Variants in ANXA8 observed in about 807,000 individuals in gnomAD.
ANXA8 encodes the protein annexin A8, also known as VAC-beta.
ANXA8 carries 9 observed loss-of-function variants against 26.8 expected under a neutral mutation model. The ratio of observed to expected loss-of-function variants is 0.34; its 90% CI spans 0.20 to 0.59. ANXA8 has a LOEUF of 0.59. ANXA8 is among the 20% of genes least tolerant of loss of function. The probability of loss-of-function intolerance (pLI) is 0.84; values close to 1 mark genes in which losing one functional copy is unlikely to be tolerated. For synonymous variants in ANXA8, 39 were observed against 94.8 expected, an observed-to-expected ratio of 0.41 and a Z score of 3.42; for missense variants, 83 against 238.5, an observed-to-expected ratio of 0.35 and a Z score of 4.29.
chr10:47,633,771 G>A, the ANXA8 span, among the ~76,000 whole-genome samples: 25 of 148,922 alleles, frequency 1.7e-4, no homozygotes, highest in Admixed American at 2.0e-4. Context: ...GACTGTAAAG[G>A]ACCACTTTAG....
At chr10:47,939,104 A>G in the ANXA8 span, among the ~76,000 whole-genome samples, 10 of 145,610 alleles carry the variant, frequency 6.9e-5, no homozygotes, top group African/African-American at 2.7e-4. Flanking sequence ...CACTTCTGTG[A>G]CTGCTGAAAC....
chr10:47,987,026 G>A, the ANXA8 span: 86 of 540,058 alleles, frequency 1.6e-4, 1 homozygote, highest in Middle Eastern at 1.5e-3. Context: ...GAAAGGGGCC[G>A]TCCGGGGAGC....
At chr10:47,698,824 G>C in the ANXA8 span, among the ~76,000 whole-genome samples, 1 of 151,748 alleles carries the variant, frequency 6.6e-6, no homozygotes, top group African/African-American at 2.4e-5. Context: ...GTCAGACCTT[G>C]TCTCAAAAAA....
At chr10:47,499,108 T>TA in the ANXA8 span, among the ~76,000 whole-genome samples, 1 of 136,204 alleles carries the variant, frequency 7.3e-6, no homozygotes, top group African/African-American at 3.0e-5. Flanking sequence ...TCTCAAAAAA[T>TA]AAAAAATAAA....
the ANXA8 span, among the ~76,000 whole-genome samples, chr10:47,557,310 A>G: frequency 2.0e-5 from 3 of 150,494 alleles, no homozygotes; most frequent in African/African-American, 7.4e-5. Context: ...CACCCAGCCT[A>G]AAGTGTGTAC....
At chr10:47,706,880 G>A in the ANXA8 span, 1 of 572,344 alleles carries the variant, frequency 1.7e-6, no homozygotes, top group Non-Finnish European at 3.1e-6. Flanking sequence ...TATCATTTGG[G>A]TCAGAGCTCC....
the ANXA8 span, among the ~76,000 whole-genome samples, chr10:47,524,523 T>G: frequency 2.7e-5 from 1 of 36,636 alleles, no homozygotes; most frequent in Non-Finnish European, 5.8e-5. Flanking sequence ...CCCCGCTATT[T>G]CTTCCTTCCA....
At chr10:47,484,321 T>TG (rs1839974408), upstream of ANXA8, 1 of 636,292 alleles carries the variant, frequency 1.6e-6, no homozygotes, top group Admixed American at 2.3e-5. Flanking sequence ...CGACCTCAGG[T>TG]GATCTGCCCA....
the ANXA8 span, chr10:47,503,648 A>C: frequency 3.6e-6 from 3 of 832,736 alleles, no homozygotes; most frequent in Non-Finnish European, 3.5e-6. Flanking sequence ...TTTCTGGGCC[A>C]GGCATGGTGG....
At chr10:47,758,077 G>GAA in the ANXA8 span, 1 of 1,028,338 alleles carries the variant, frequency 9.7e-7, no homozygotes, top group Non-Finnish European at 1.3e-6. Context: ...TCTGGGTGAT[G>GAA]GTCTTGCTGG....
At chr10:47,672,715 A>C in the ANXA8 span, among the ~76,000 whole-genome samples, 5 of 151,856 alleles carry the variant, frequency 3.3e-5, no homozygotes, top group Non-Finnish European at 7.4e-5. Context: ...TAGATAGTGT[A>C]ATACGGGAAA....
chr10:47,511,294 T>C, the ANXA8 span, among the ~76,000 whole-genome samples: 3 of 142,700 alleles, frequency 2.1e-5, 1 homozygote, highest in African/African-American at 7.7e-5. Context: ...ATAATCCTGC[T>C]ACAAGAGCAC....
chr10:47,954,545 G>A, the ANXA8 span, among the ~76,000 whole-genome samples: 2,749 of 151,038 alleles, frequency 0.018, 37 homozygotes, highest in African/African-American at 0.063. Flanking sequence ...AAGTAAGCGT[G>A]TATAATTGGA....
At chr10:47,898,811 A>T in the ANXA8 span, among the ~76,000 whole-genome samples, 59 of 56,260 alleles carry the variant, frequency 1.0e-3, no homozygotes, top group East Asian at 3.9e-3. Flanking sequence ...AAGAGAATGG[A>T]TTTTTTTTTT....
the ANXA8 span, among the ~76,000 whole-genome samples, chr10:47,954,706 A>T: frequency 6.6e-6 from 1 of 150,948 alleles, no homozygotes; most frequent in Non-Finnish European, 1.5e-5. Context: ...AAATAAAAAA[A>T]AAACAGAAAT....
At chr10:47,898,842 T>TTTTTA in the ANXA8 span, among the ~76,000 whole-genome samples, 1 of 138,854 alleles carries the variant, frequency 7.2e-6, no homozygotes. Flanking sequence ...TTTTTTTTTT[T>TTTTTA]AGATGTGGTC....
chr10:47,548,404 C>A, the ANXA8 span, among the ~76,000 whole-genome samples: 1 of 149,718 alleles, frequency 6.7e-6, no homozygotes, highest in African/African-American at 2.4e-5. Flanking sequence ...TGGGTTGAAG[C>A]GATTCTCCTG....
chr10:47,990,937 T>C, the ANXA8 span, among the ~76,000 whole-genome samples: 1 of 150,772 alleles, frequency 6.6e-6, no homozygotes, highest in East Asian at 2.0e-4. Flanking sequence ...TGGGCTGCCC[T>C]GAGCCCCGGG....
the ANXA8 span, among the ~76,000 whole-genome samples, chr10:47,888,805 A>ATT: frequency 0.02 from 197 of 10,028 alleles, 7 homozygotes; most frequent in African/African-American, 0.13. Context: ...TGCCTGGCTA[A>ATT]TTTTTTTTTT....
Sources: allele counts gnomAD v4.1 joint callset (sites outside exome capture counted in the v4.1 genomes callset), GRCh38; gene constraint gnomAD v4.1.1; transcripts MANE v1.5; gene names NCBI Gene and HGNC (gene_info 2026-07-23, HGNC 2026-07-21).